Variants in RAB38 observed in about 807,000 individuals in gnomAD.
The protein encoded by RAB38 is RAB38, member RAS oncogene family.
Under a neutral mutation model 18.4 loss-of-function variants are expected in RAB38, and 15 were observed. That is an observed-to-expected ratio of 0.82 (90% CI 0.55 to 1.26). The LOEUF (loss-of-function observed/expected upper bound fraction) is 1.26. Ranked by LOEUF, RAB38 falls within the 50% of genes most tolerant of loss-of-function variation. The probability of loss-of-function intolerance (pLI) is 0.00; values close to 1 mark genes in which losing one functional copy is unlikely to be tolerated. For missense variants in RAB38, 294 were observed against 267.4 expected (o/e 1.10, Z -0.69); for synonymous variants, 101 against 104.4 (o/e 0.97, Z 0.20).
Position 88,125,717 on chromosome 11 carries a change from T to G in RAB38, c.484-11577A>C, listed in dbSNP as rs540723272. On this transcript the variant is annotated intron_variant, in intron 2 of 2. Transcript: ENST00000243662. ...TTTGCTGTGCAGAAGCTCTTTAGTT[T>G]AATTAGATCCTATTTGTCAATTTTG... Among the ~76,000 whole-genome samples, 4 of 152,364 alleles carry G rather than the reference T, an allele frequency of 2.6e-5. 1 individual carries two copies. The South Asian group carries it at 8.3e-4, about 32-fold the overall frequency.
At chr11:87,927,690 T>C in the RAB38 span, among the ~76,000 whole-genome samples, 1 of 152,034 alleles carries the variant, frequency 6.6e-6, no homozygotes, top group Non-Finnish European at 1.5e-5. Context: ...CAAATCCCTT[T>C]CTGCCTCTCA....
the RAB38 span, among the ~76,000 whole-genome samples, chr11:87,901,940 T>A: frequency 1.5e-5 from 2 of 133,010 alleles, no homozygotes; most frequent in East Asian, 2.3e-4. Context: ...TTTTTTTTTT[T>A]AACTCAAGAC....
the RAB38 span, among the ~76,000 whole-genome samples, chr11:88,011,440 G>C: frequency 6.6e-6 from 1 of 152,164 alleles, no homozygotes; most frequent in Non-Finnish European, 1.5e-5. Flanking sequence ...GCTTTGTAAA[G>C]GTAGACTGAC....
the RAB38 span, among the ~76,000 whole-genome samples, chr11:87,976,603 A>G: frequency 1.7e-4 from 7 of 40,060 alleles, no homozygotes; most frequent in Non-Finnish European, 3.5e-4. Flanking sequence ...CTGTCTATAA[A>G]TACATATTTT....
the RAB38 span, among the ~76,000 whole-genome samples, chr11:87,953,036 A>G: frequency 6.6e-6 from 1 of 152,022 alleles, no homozygotes; most frequent in African/African-American, 2.4e-5. Flanking sequence ...AAAATTCTAT[A>G]AAGTTGATCA....
chr11:87,832,697 G>A, the RAB38 span, among the ~76,000 whole-genome samples: 1 of 152,044 alleles, frequency 6.6e-6, no homozygotes, highest in Admixed American at 6.6e-5. Flanking sequence ...CCAGCTCTCT[G>A]ACATCCTCTT....
the RAB38 span, among the ~76,000 whole-genome samples, chr11:87,926,818 GCT>G: frequency 6.6e-6 from 1 of 152,018 alleles, no homozygotes; most frequent in East Asian, 1.9e-4. Context: ...CTGAGCTGCA[GCT>G]CTGTCTTCCA....
the RAB38 span, among the ~76,000 whole-genome samples, chr11:87,869,567 G>A: frequency 6.6e-6 from 1 of 151,028 alleles, no homozygotes; most frequent in African/African-American, 2.4e-5. Flanking sequence ...AGCAGCAGGT[G>A]GAGTGCTATT....
At chr11:87,928,123 A>G in the RAB38 span, among the ~76,000 whole-genome samples, 29 of 151,990 alleles carry the variant, frequency 1.9e-4, no homozygotes, top group Admixed American at 7.9e-4. Context: ...AGAAAGAAGG[A>G]AGAGAGAGAA....
the RAB38 span, among the ~76,000 whole-genome samples, chr11:87,807,434 T>C: frequency 6.6e-6 from 1 of 152,224 alleles, no homozygotes; most frequent in Admixed American, 6.5e-5. Flanking sequence ...CTTTGTTCTT[T>C]ATGGCTGGAA....
the RAB38 span, among the ~76,000 whole-genome samples, chr11:87,895,157 G>T: frequency 6.6e-6 from 1 of 151,610 alleles, no homozygotes; most frequent in Non-Finnish European, 1.5e-5. Flanking sequence ...CTCTAGCGGG[G>T]CCTCTGGAAA....
the RAB38 span, among the ~76,000 whole-genome samples, chr11:87,904,415 A>G: frequency 1.3e-5 from 2 of 151,792 alleles, no homozygotes; most frequent in Non-Finnish European, 2.9e-5. Flanking sequence ...TGCAAAGGAC[A>G]TGATTTTGTT....
chr11:88,027,672 G>A, the RAB38 span, among the ~76,000 whole-genome samples: 1 of 131,536 alleles, frequency 7.6e-6, no homozygotes, highest in Non-Finnish European at 1.6e-5. Flanking sequence ...GCTGGGGGAG[G>A]GGCGCCCGCC....
chr11:87,973,798 A>T, the RAB38 span, among the ~76,000 whole-genome samples: 1 of 151,998 alleles, frequency 6.6e-6, no homozygotes, highest in Non-Finnish European at 1.5e-5. Flanking sequence ...AATATACTGG[A>T]GGACCAATCC....
the RAB38 span, among the ~76,000 whole-genome samples, chr11:87,892,640 T>C: frequency 6.6e-6 from 1 of 151,850 alleles, no homozygotes; most frequent in African/African-American, 2.4e-5. Context: ...CTGCAATTTC[T>C]ACTCATCTTA....
chr11:88,126,025 T>C (rs1942691026), intron 2 of RAB38, among the ~76,000 whole-genome samples: 1 of 152,198 alleles, frequency 6.6e-6, no homozygotes, highest in South Asian at 2.1e-4. Flanking sequence ...CAGATAGTTG[T>C]AGATATGTGG....
At chr11:88,092,197 A>G in the RAB38 span, among the ~76,000 whole-genome samples, 4 of 151,722 alleles carry the variant, frequency 2.6e-5, no homozygotes, top group East Asian at 2.0e-4. Flanking sequence ...AGTTGTGAGT[A>G]AAAAACAAGT....
chr11:87,915,242 G>C, the RAB38 span, among the ~76,000 whole-genome samples: 1 of 152,082 alleles, frequency 6.6e-6, no homozygotes, highest in Non-Finnish European at 1.5e-5. Flanking sequence ...ATCTTAAATA[G>C]GGTAAAATAA....
chr11:88,036,363 G>A, the RAB38 span, among the ~76,000 whole-genome samples: 1 of 152,160 alleles, frequency 6.6e-6, no homozygotes, highest in Non-Finnish European at 1.5e-5. Context: ...GAGTAACATT[G>A]CTTCTGAATC....
Sources: allele counts gnomAD v4.1 joint callset (sites outside exome capture counted in the v4.1 genomes callset), GRCh38; gene constraint gnomAD v4.1.1; transcripts MANE v1.5; gene names NCBI Gene and HGNC (gene_info 2026-07-23, HGNC 2026-07-21).